Variants in PDZRN3 observed in about 807,000 individuals in gnomAD.
The protein encoded by PDZRN3 is PDZ domain containing ring finger 3, also known as E3 ubiquitin-protein ligase PDZRN3.
Under a neutral mutation model 85.7 loss-of-function variants are expected in PDZRN3, and 38 were observed. That is an observed-to-expected ratio of 0.44 (90% confidence interval 0.34 to 0.58). PDZRN3 has a LOEUF of 0.58. Ranked by LOEUF, PDZRN3 falls within the 20% of genes least tolerant of loss-of-function variation. The pLI, the probability that PDZRN3 is intolerant of heterozygous loss-of-function variation, is 0.01. For synonymous variants in PDZRN3, 759 were observed against 638.0 expected, an observed-to-expected ratio of 1.19 and a Z score of -2.86; for missense variants, 1,629 against 1,506.4, an observed-to-expected ratio of 1.08 and a Z score of -1.35.
chr3:73,600,333 A>ACTCTCTCTCT (rs1415189079), intron 3 of PDZRN3, among the ~76,000 whole-genome samples: 21 of 38,486 alleles, frequency 5.5e-4, no homozygotes, highest in East Asian at 1.1e-3. Context: ...ACACACACAC[A>ACTCTCTCTCT]CACACTCTCT....
intron 5 of PDZRN3, among the ~76,000 whole-genome samples, chr3:73,397,933 G>C (rs889108970): frequency 1.3e-5 from 2 of 152,188 alleles, no homozygotes; most frequent in Non-Finnish European, 2.9e-5. Context: ...GAAACGAAAA[G>C]CTAATGTCTA....
chr3:73,430,672 T>C (rs1559675847), intron 3 of PDZRN3, among the ~76,000 whole-genome samples: 1 of 152,076 alleles, frequency 6.6e-6, no homozygotes, highest in African/African-American at 2.4e-5. Flanking sequence ...GACTTTCCCA[T>C]CCTTACACCC....
chr3:73,487,143 A>G (rs1703678609), intron 3 of PDZRN3, among the ~76,000 whole-genome samples: 1 of 152,170 alleles, frequency 6.6e-6, no homozygotes, highest in African/African-American at 2.4e-5. Context: ...CTAAATGTCA[A>G]CTTGCTGGAT....
intron 3 of PDZRN3, among the ~76,000 whole-genome samples, chr3:73,581,180 A>G (rs1317569709): frequency 6.6e-6 from 1 of 152,238 alleles, no homozygotes; most frequent in African/African-American, 2.4e-5. Context: ...TGTGTGTGAG[A>G]GCAGCTTTCT....
intron 1 of PDZRN3, among the ~76,000 whole-genome samples, chr3:73,618,722 A>G (rs890558847): frequency 2.0e-5 from 3 of 152,258 alleles, no homozygotes; most frequent in African/African-American, 7.2e-5. Flanking sequence ...ACTTACAGAC[A>G]AATCTCAACA....
chr3:73,396,353 G>A (rs1701636954), intron 5 of PDZRN3, among the ~76,000 whole-genome samples: 1 of 152,204 alleles, frequency 6.6e-6, no homozygotes, highest in African/African-American at 2.4e-5. Flanking sequence ...TGCCACGCAG[G>A]CCGAGGTAGG....
In PDZRN3 at chr3:73,500,202, C is replaced by T. The variant is rs1298554216; in HGVS notation, c.919-95807G>A. Among the ~76,000 whole-genome samples the T allele has an allele frequency of 2.6e-5, 4 of 152,148 alleles. No individual in the cohort carries two copies. In the East Asian group the frequency reaches 5.8e-4, roughly 22 times the overall value. Reference sequence around the variant, plus strand: ...TAGCTGGGACTACAGGCATATGCCACCACAGCTGGCTAATTTTTAAATTTT... The same window carrying T: ...TAGCTGGGACTACAGGCATATGCCATCACAGCTGGCTAATTTTTAAATTTT... On this transcript the variant is annotated intron_variant, in intron 3 of 9. Coordinates refer to ENST00000263666, the MANE Select transcript of PDZRN3 (RefSeq NM_015009.3).
chr3:73,601,479 A>C (rs1702514855), intron 3 of PDZRN3, among the ~76,000 whole-genome samples: 1 of 152,212 alleles, frequency 6.6e-6, no homozygotes, highest in Admixed American at 6.5e-5. Flanking sequence ...GGGGTCTGGC[A>C]TATCATCGTG....
At chr3:73,565,832 C>G (rs924595144) in intron 3 of PDZRN3, among the ~76,000 whole-genome samples, 71 of 128,498 alleles carry the variant, frequency 5.5e-4, no homozygotes, top group East Asian at 1.2e-3. Flanking sequence ...CACACACACA[C>G]AGAAAACTAT....
chr3:73,489,581 T>TTTTTTTTTTTTC, intron 3 of PDZRN3, among the ~76,000 whole-genome samples: 1 of 132,892 alleles, frequency 7.5e-6, no homozygotes, highest in South Asian at 2.6e-4. Context: ...TTTTCTTTTT[T>TTTTTTTTTTTTC]TTTTTTTTTG....
At chr3:73,459,471 T>G (rs975083699) in intron 3 of PDZRN3, among the ~76,000 whole-genome samples, 1 of 152,144 alleles carries the variant, frequency 6.6e-6, no homozygotes, top group South Asian at 2.1e-4. Context: ...CAGTACCCAA[T>G]AGTTATTTTT....
intron 3 of PDZRN3, among the ~76,000 whole-genome samples, chr3:73,587,044 T>G (rs1447001467): frequency 6.6e-6 from 1 of 152,210 alleles, no homozygotes; most frequent in Non-Finnish European, 1.5e-5. Flanking sequence ...AGTTTTGCCA[T>G]GAGCAGATCC....
intron 3 of PDZRN3, chr3:73,433,852 G>A: frequency 6.9e-7 from 1 of 1,444,492 alleles, no homozygotes; most frequent in South Asian, 1.5e-5. Flanking sequence ...GCTGCTCTCA[G>A]AGGCTAGACA....
chr3:73,497,585 C>T (rs555061095), intron 3 of PDZRN3, among the ~76,000 whole-genome samples: 3 of 152,150 alleles, frequency 2.0e-5, no homozygotes, highest in Non-Finnish European at 4.4e-5. Flanking sequence ...TTTTTTTATT[C>T]TGGAAAATTC....
intron 3 of PDZRN3, among the ~76,000 whole-genome samples, chr3:73,502,019 T>C (rs920355488): frequency 9.8e-5 from 14 of 143,090 alleles, no homozygotes; most frequent in Non-Finnish European, 1.6e-4. Flanking sequence ...AGTATCAAAA[T>C]AAATAAATGA....
At chr3:73,536,181 C>T (rs1367299185) in intron 3 of PDZRN3, among the ~76,000 whole-genome samples, 1 of 152,220 alleles carries the variant, frequency 6.6e-6, no homozygotes, top group East Asian at 1.9e-4. Context: ...TTGGCATCTG[C>T]TATCTTTAAT....
chr3:73,579,424 T>C (rs995518538), intron 3 of PDZRN3, among the ~76,000 whole-genome samples: 2 of 152,212 alleles, frequency 1.3e-5, no homozygotes, highest in African/African-American at 4.8e-5. Flanking sequence ...TGCTAGATAA[T>C]CATAAAGAGT....
At chr3:73,575,478 C>A (rs975055615) in intron 3 of PDZRN3, among the ~76,000 whole-genome samples, 5 of 152,152 alleles carry the variant, frequency 3.3e-5, no homozygotes, top group Non-Finnish European at 5.9e-5. Context: ...AACACAGTGA[C>A]CTTCTCAAGT....
At chr3:73,483,961 G>C (rs1228030238) in intron 3 of PDZRN3, among the ~76,000 whole-genome samples, 1 of 152,118 alleles carries the variant, frequency 6.6e-6, no homozygotes, top group Admixed American at 6.5e-5. Flanking sequence ...CAAGGTTTTA[G>C]AAAAATTTTA....
Sources: allele counts gnomAD v4.1 joint callset (sites outside exome capture counted in the v4.1 genomes callset), GRCh38; gene constraint gnomAD v4.1.1; transcripts MANE v1.5; gene names NCBI Gene and HGNC (gene_info 2026-07-23, HGNC 2026-07-21).